The following GRM8 variants were observed in gnomAD, a reference collection of about 807,000 sequenced individuals.
The protein encoded by GRM8 is metabotropic glutamate receptor 8.
A neutral mutation model predicts 87.2 loss-of-function variants in GRM8; 47 were observed. The ratio of observed to expected loss-of-function variants is 0.54; its 90% CI spans 0.43 to 0.69. The LOEUF (loss-of-function observed/expected upper bound fraction) is 0.69. Ranked by LOEUF, GRM8 falls within the 30% of genes least tolerant of loss-of-function variation. The pLI is 0.00. For synonymous variants in GRM8, 396 were observed against 404.5 expected, an observed-to-expected ratio of 0.98 and a Z score of 0.25; for missense variants, 1,019 against 1,139.2, an observed-to-expected ratio of 0.89 and a Z score of 1.52.
At chr7:127,147,826 T>C (rs1396011010) in intron 2 of GRM8, among the ~76,000 whole-genome samples, 1 of 152,092 alleles carries the variant, frequency 6.6e-6, no homozygotes, top group Non-Finnish European at 1.5e-5. Context: ...TGTAAAATTA[T>C]TGATGCCTCA....
At chr7:126,845,416 C>A (rs1563243394) in intron 6 of GRM8, among the ~76,000 whole-genome samples, 2 of 152,140 alleles carry the variant, frequency 1.3e-5, no homozygotes, top group African/African-American at 4.8e-5. Context: ...TTAGCTCAAC[C>A]TAGGCCAACT....
chr7:127,172,025 C>CA (rs34801406), intron 2 of GRM8, among the ~76,000 whole-genome samples: 267 of 144,270 alleles, frequency 1.9e-3, no homozygotes, highest in South Asian at 2.6e-3. Flanking sequence ...ATATTACTTG[C>CA]AAAAAAAAAA....
intron 2 of GRM8, among the ~76,000 whole-genome samples, chr7:127,164,016 C>A (rs1406497790): frequency 6.6e-6 from 1 of 152,046 alleles, no homozygotes; most frequent in Non-Finnish European, 1.5e-5. Context: ...TGAGGCCTGG[C>A]AGGAGGTGAT....
At chr7:126,870,469 CT>C (rs749284713) in intron 6 of GRM8, 4 of 152,140 alleles carry the variant, frequency 2.6e-5, no homozygotes, top group Non-Finnish European at 5.9e-5. Flanking sequence ...TTCATCTTTT[CT>C]GGTTTTTTAT....
chr7:126,626,101 AGTGT>A (rs71312854), intron 7 of GRM8, among the ~76,000 whole-genome samples: 166 of 148,826 alleles, frequency 1.1e-3, no homozygotes, highest in Non-Finnish European at 1.8e-3. Context: ...ATATGAGAGA[AGTGT>A]GTGTGTGTGT....
chr7:127,223,656 G>A (rs17866358), intron 2 of GRM8, among the ~76,000 whole-genome samples: 1,598 of 152,104 alleles, frequency 0.011, 31 homozygotes, highest in African/African-American at 0.036. Flanking sequence ...GAGGCTGGTG[G>A]AGAATCAGGT....
At chr7:126,829,682 G>A (rs1302361340) in intron 6 of GRM8, among the ~76,000 whole-genome samples, 2 of 151,814 alleles carry the variant, frequency 1.3e-5, no homozygotes, top group Non-Finnish European at 2.9e-5. Flanking sequence ...TCTTTTAATT[G>A]GAGCATTTAG....
At chr7:127,121,510 C>T (rs1827084492) in intron 2 of GRM8, among the ~76,000 whole-genome samples, 1 of 152,134 alleles carries the variant, frequency 6.6e-6, no homozygotes, top group Non-Finnish European at 1.5e-5. Context: ...CCGTGGTTAT[C>T]TCCTCTGTAC....
intron 8 of GRM8, among the ~76,000 whole-genome samples, chr7:126,605,372 T>C (rs1171457813): frequency 6.6e-6 from 1 of 152,142 alleles, no homozygotes; most frequent in Non-Finnish European, 1.5e-5. Context: ...ATGCTGATTG[T>C]AATTGCCAAA....
At chr7:126,762,119 T>C (rs572829910) in intron 7 of GRM8, among the ~76,000 whole-genome samples, 2 of 152,206 alleles carry the variant, frequency 1.3e-5, no homozygotes, top group East Asian at 1.9e-4. Context: ...ACAGCACTCT[T>C]GTAAAAATTA....
chr7:126,506,971 A>G (rs1810571103), intron 9 of GRM8, among the ~76,000 whole-genome samples: 1 of 152,132 alleles, frequency 6.6e-6, no homozygotes, highest in Non-Finnish European at 1.5e-5. Flanking sequence ...TAGGCAGGGC[A>G]TACAAAATAT....
chr7:126,764,727 G>C (rs1818003839), intron 7 of GRM8, among the ~76,000 whole-genome samples: 1 of 152,026 alleles, frequency 6.6e-6, no homozygotes, highest in South Asian at 2.1e-4. Context: ...TGAGTTTAGG[G>C]AAGCTGCTTT....
At chr7:126,947,242 C>T (rs1586560527) in intron 3 of GRM8, among the ~76,000 whole-genome samples, 1 of 152,306 alleles carries the variant, frequency 6.6e-6, no homozygotes, top group African/African-American at 2.4e-5. Flanking sequence ...CCAATATGAA[C>T]ATAAAGAGTA....
intron 3 of GRM8, among the ~76,000 whole-genome samples, chr7:127,015,224 A>G (rs193049634): frequency 1.4e-5 from 2 of 138,986 alleles, no homozygotes; most frequent in African/African-American, 5.6e-5. Context: ...GAAGAAGAAG[A>G]AGAAGAAGAA....
chr7:126,936,806 A>G (rs929579513), intron 3 of GRM8, among the ~76,000 whole-genome samples: 3 of 152,086 alleles, frequency 2.0e-5, no homozygotes, highest in Non-Finnish European at 4.4e-5. Flanking sequence ...TCTCTAATCA[A>G]TGTTGCAGAG....
chr7:127,035,107 G>A (rs934623997), intron 3 of GRM8, among the ~76,000 whole-genome samples: 2 of 152,122 alleles, frequency 1.3e-5, no homozygotes, highest in Non-Finnish European at 2.9e-5. Context: ...GCCAATGTTG[G>A]AAATATTTGA....
At chr7:127,085,138 G>C (rs886432508) in intron 3 of GRM8, among the ~76,000 whole-genome samples, 1 of 152,228 alleles carries the variant, frequency 6.6e-6, no homozygotes, top group African/African-American at 2.4e-5. Flanking sequence ...CAAAGGACAT[G>C]AACTCATCCT....
At chr7:127,220,655 TA>T (rs34167626) in intron 2 of GRM8, among the ~76,000 whole-genome samples, 61 of 148,048 alleles carry the variant, frequency 4.1e-4, no homozygotes, top group African/African-American at 1.0e-3. Flanking sequence ...CAGCTAATTT[TA>T]AAAAAAAAAA....
intron 2 of GRM8, chr7:127,228,674 C>A (rs1384152090): frequency 6.6e-6 from 1 of 151,852 alleles, no homozygotes; most frequent in Non-Finnish European, 1.5e-5. Context: ...AAAAAAAAAA[C>A]TATTTAGTGC....
Sources: allele counts gnomAD v4.1 joint callset (sites outside exome capture counted in the v4.1 genomes callset), GRCh38; gene constraint gnomAD v4.1.1; transcripts MANE v1.5; gene names NCBI Gene and HGNC (gene_info 2026-07-23, HGNC 2026-07-21).